Variants in RGMA observed in about 807,000 individuals in gnomAD.
The protein encoded by RGMA is repulsive guidance molecule BMP co-receptor a.
Under a neutral mutation model 23.2 loss-of-function variants are expected in RGMA, and 10 were observed. The ratio of observed to expected loss-of-function variants is 0.43; its 90% CI spans 0.27 to 0.73. The LOEUF is 0.73. Among genes scored for constraint, RGMA ranks in the 30% least tolerant of loss-of-function variants. The probability of loss-of-function intolerance (pLI) is 0.20; values close to 1 mark genes in which losing one functional copy is unlikely to be tolerated. For missense variants in RGMA, 547 were observed against 630.5 expected, an observed-to-expected ratio of 0.87 and a Z score of 1.42; for synonymous variants, 308 against 279.3, an observed-to-expected ratio of 1.10 and a Z score of -1.03.
chr15:93,042,319 C>A lies in RGMA; in HGVS notation c.*2679G>T, dbSNP rs2054734618. ...TCTGTATCGCCCCTTTCCTTCTCCC[C>A]TTAACTGATTTATCTTGCTTTGGGA... On this transcript the variant is annotated 3_prime_UTR_variant, in exon 4 of 4. Transcript: ENST00000329082. 1.3e-5 allele frequency: 2 copies of A among 151,972 alleles called. No individual in the cohort carries two copies. The highest frequency in any genetic ancestry group is 4.8e-5 in the African/African-American group (2 of 41,378). The allele number at this position is 151,972 out of a possible 1,614,324, so 9.4% of individuals were successfully genotyped here.
intron 1 of RGMA, among the ~76,000 whole-genome samples, chr15:93,087,768 CAG>C (rs1261833821): frequency 6.6e-6 from 1 of 152,144 alleles, no homozygotes; most frequent in African/African-American, 2.4e-5. Flanking sequence ...TAAAACCAAA[CAG>C]AGAAGGTGAT....
intron 3 of RGMA, among the ~76,000 whole-genome samples, chr15:93,050,714 C>G (rs75047535): frequency 0.17 from 26,246 of 152,134 alleles, 2,487 homozygotes; most frequent in South Asian, 0.28. Flanking sequence ...GCTTCCACCC[C>G]CTGGGGTCTG....
At chr15:93,054,037 C>CT (rs1330347393) in intron 2 of RGMA, among the ~76,000 whole-genome samples, 1 of 152,102 alleles carries the variant, frequency 6.6e-6, no homozygotes, top group Non-Finnish European at 1.5e-5. Context: ...CGAGACCAGC[C>CT]TGGCCAACAT....
intron 2 of RGMA, among the ~76,000 whole-genome samples, chr15:93,061,854 A>G (rs377416525): frequency 6.6e-6 from 1 of 152,202 alleles, no homozygotes; most frequent in African/African-American, 2.4e-5. Flanking sequence ...CCCTGTTTGC[A>G]TAACAACGAA....
chr15:93,048,350 C>A (rs2054861572), intron 3 of RGMA, among the ~76,000 whole-genome samples: 1 of 152,172 alleles, frequency 6.6e-6, no homozygotes, highest in African/African-American at 2.4e-5. Flanking sequence ...GAACGAGGGG[C>A]AGGCTGCTGG....
intron 1 of RGMA, chr15:93,088,235 C>T: frequency 2.2e-6 from 2 of 910,468 alleles, no homozygotes; most frequent in Non-Finnish European, 2.6e-6. Flanking sequence ...TCCCCCACAC[C>T]CGCCCTCCCA....
chr15:93,065,685 G>A, intron 2 of RGMA: 2 of 1,141,900 alleles, frequency 1.8e-6, no homozygotes, highest in Non-Finnish European at 2.6e-6. Flanking sequence ...CTCTCTGCTG[G>A]AAGTAGGGGT....
intron 1 of RGMA, among the ~76,000 whole-genome samples, chr15:93,086,140 G>A (rs1191368746): frequency 6.6e-6 from 1 of 152,130 alleles, no homozygotes; most frequent in Non-Finnish European, 1.5e-5. Flanking sequence ...TAAGTTTGTG[G>A]AATGGCTACA....
intron 2 of RGMA, among the ~76,000 whole-genome samples, chr15:93,071,384 C>A (rs143861380): frequency 0.014 from 2,194 of 152,314 alleles, 31 homozygotes; most frequent in Middle Eastern, 0.02. Flanking sequence ...GAGGAGAGGG[C>A]ACCCTGCTGT....
intron 1 of RGMA, among the ~76,000 whole-genome samples, chr15:93,079,923 T>C (rs1567196207): frequency 6.6e-6 from 1 of 152,140 alleles, no homozygotes; most frequent in Non-Finnish European, 1.5e-5. Context: ...CAGTTGTACA[T>C]TTTGGCTACG....
In RGMA at chr15:93,045,136, G is replaced by C; in HGVS notation, c.1215C>G (p.His405Gln). 1 of 1,599,974 alleles carries C rather than the reference G, an allele frequency of 6.3e-7. No individual in the cohort carries two copies. Among genetic ancestry groups the C allele is most frequent in the Non-Finnish European group, 8.5e-7 (1 of 1,173,270 alleles). The change falls in exon 4 of 4, where the codon CAC becomes CAG. Residue 405 changes from histidine (H) to glutamine (Q), a missense_variant. His to Gln is a conservative substitution (Grantham distance 24). Transcript: ENST00000329082. The surrounding 1 kb of genome is among the most constrained non-coding windows in gnomAD (Gnocchi z 6.9). ...YYALEDVKMLHSNKDKLHLYE... is the reference protein window; with the variant it reads ...YYALEDVKMLQSNKDKLHLYE... ...ACAGGTGCAGTTTGTCTTTGTTGGA[G>C]TGGAGCATCTTGACATCCTCCAACG...
chr15:93,075,422 A>G (rs1057403592), intron 1 of RGMA, among the ~76,000 whole-genome samples: 1 of 152,200 alleles, frequency 6.6e-6, no homozygotes, highest in Admixed American at 6.5e-5. Flanking sequence ...CACTGCCCCA[A>G]AAAAGACAAA....
intron 3 of RGMA, among the ~76,000 whole-genome samples, chr15:93,049,100 T>G (rs182076559): frequency 0.012 from 1,793 of 152,342 alleles, 36 homozygotes; most frequent in African/African-American, 0.04. Flanking sequence ...AGCTGGCGGC[T>G]CGCTGCCAAC....
intron 1 of RGMA, among the ~76,000 whole-genome samples, chr15:93,083,027 T>C (rs1159965942): frequency 6.6e-6 from 1 of 152,260 alleles, no homozygotes; most frequent in Non-Finnish European, 1.5e-5. Flanking sequence ...GTGCGCCATC[T>C]TGGCTTGGGT....
rs1267049879 is a variant in RGMA, at chr15:93,039,865, C to T, written c.*5133G>A. On this transcript the variant is annotated 3_prime_UTR_variant, in exon 4 of 4. Transcript: ENST00000329082. ...ACTGGCTCCTGACTTCCTCTTTCTT[C>T]CCCAGCGGCCCCAAGTCACCTCCAT... The T allele has an allele frequency of 6.6e-6, 1 of 152,252 alleles. No homozygotes were observed. Among genetic ancestry groups the T allele is most frequent in the Non-Finnish European group, 1.5e-5 (1 of 68,110 alleles). The allele number at this position is 152,252 out of a possible 1,614,324, so 9.4% of individuals were successfully genotyped here. A position where few individuals can be genotyped will look rare whatever the true frequency, so the allele number is the denominator to read the frequency against.
intron 3 of RGMA, among the ~76,000 whole-genome samples, chr15:93,050,922 G>A (rs1340750133): frequency 6.6e-6 from 1 of 152,216 alleles, no homozygotes; most frequent in Non-Finnish European, 1.5e-5. Context: ...CGGGTGGTGG[G>A]GAGGTGCAGG....
intron 2 of RGMA, among the ~76,000 whole-genome samples, chr15:93,058,680 C>T (rs55772081): frequency 0.095 from 14,398 of 152,122 alleles, 797 homozygotes; most frequent in Middle Eastern, 0.22. Context: ...CCCCACCCAC[C>T]CCACCCTCAG....
intron 2 of RGMA, among the ~76,000 whole-genome samples, chr15:93,059,232 T>C (rs2141822274): frequency 6.6e-6 from 1 of 152,286 alleles, no homozygotes; most frequent in Non-Finnish European, 1.5e-5. Flanking sequence ...CCCAAAAGCA[T>C]GATGCGGGTC....
At chr15:93,069,787 T>G (rs1215677268) in intron 2 of RGMA, among the ~76,000 whole-genome samples, 3 of 152,212 alleles carry the variant, frequency 2.0e-5, no homozygotes, top group Non-Finnish European at 4.4e-5. Flanking sequence ...GGGACCACAC[T>G]TGGAGAACCA....
Sources: gnomAD v4.1 joint callset for allele counts (sites outside exome capture counted in the v4.1 genomes callset) on GRCh38, gnomAD v4.1.1 for gene constraint, Gnocchi (gnomAD v3.1) non-coding constraint, MANE v1.5 for transcripts, NCBI Gene and HGNC (gene_info 2026-07-23, HGNC 2026-07-21) for gene names.